SORCS1: variants seen among roughly 807,000 people sequenced by gnomAD.
The protein encoded by SORCS1 is VPS10 domain-containing receptor SorCS1.
In SORCS1, 60 loss-of-function variants were observed where a neutral mutation model predicts 146.1. That is an observed-to-expected ratio of 0.41 (90% CI 0.33 to 0.51). The LOEUF is 0.51. Ranked by LOEUF, SORCS1 falls within the 20% of genes least tolerant of loss-of-function variation. SORCS1 has a pLI of 0.21. For missense variants in SORCS1, 1,352 were observed against 1,487.6 expected, an observed-to-expected ratio of 0.91 and a Z score of 1.50; for synonymous variants, 637 against 584.0, an observed-to-expected ratio of 1.09 and a Z score of -1.31.
intron 2 of SORCS1, among the ~76,000 whole-genome samples, chr10:106,852,892 C>T (rs937631446): frequency 6.6e-6 from 1 of 152,096 alleles, no homozygotes; most frequent in African/African-American, 2.4e-5. Context: ...AGGGGTTTTG[C>T]ATCTTTGTTC....
chr10:106,876,040 ATT>A (rs1474403966), intron 2 of SORCS1, among the ~76,000 whole-genome samples: 1 of 151,932 alleles, frequency 6.6e-6, no homozygotes, highest in African/African-American at 2.4e-5. Flanking sequence ...AATAATTTCT[ATT>A]TATTATTTAT....
intron 2 of SORCS1, among the ~76,000 whole-genome samples, chr10:106,844,253 A>G (rs918677549): frequency 3.9e-5 from 6 of 151,952 alleles, no homozygotes; most frequent in Admixed American, 2.6e-4. Flanking sequence ...TTTGCTATTT[A>G]CTTGTATAAG....
intron 1 of SORCS1, among the ~76,000 whole-genome samples, chr10:106,972,864 GT>G (rs1391587026): frequency 6.6e-6 from 1 of 152,192 alleles, no homozygotes; most frequent in Non-Finnish European, 1.5e-5. Flanking sequence ...ATGGGGAGAT[GT>G]TTTTTGTTGC....
chr10:106,758,678 T>C (rs1471249668), intron 5 of SORCS1, among the ~76,000 whole-genome samples: 2 of 152,202 alleles, frequency 1.3e-5, no homozygotes, highest in African/African-American at 2.4e-5. Context: ...ACTAACTTTA[T>C]ACTTTACATG....
chr10:107,105,193 G>C (rs1965222934), intron 1 of SORCS1, among the ~76,000 whole-genome samples: 2 of 152,190 alleles, frequency 1.3e-5, no homozygotes, highest in Admixed American at 1.3e-4. Flanking sequence ...GGCGAACACA[G>C]ATGTGGCTCC....
At chr10:106,713,024 G>A (rs1238070754) in intron 6 of SORCS1, among the ~76,000 whole-genome samples, 1 of 152,172 alleles carries the variant, frequency 6.6e-6, no homozygotes, top group East Asian at 1.9e-4. Context: ...AGTGAGGAGA[G>A]AGCTTTTAAG....
At chr10:106,969,615 A>T (rs915589437) in intron 1 of SORCS1, among the ~76,000 whole-genome samples, 1 of 152,222 alleles carries the variant, frequency 6.6e-6, no homozygotes, top group Non-Finnish European at 1.5e-5. Flanking sequence ...AGAAAACGAG[A>T]TCTAAAACTT....
At chr10:106,635,516 C>T (rs569843700) in intron 18 of SORCS1, among the ~76,000 whole-genome samples, 3 of 151,736 alleles carry the variant, frequency 2.0e-5, no homozygotes, top group Non-Finnish European at 2.9e-5. Context: ...TATTGATTAC[C>T]CTGGGAGTGG....
intron 1 of SORCS1, among the ~76,000 whole-genome samples, chr10:107,027,168 T>C (rs1958445047): frequency 6.6e-6 from 1 of 151,430 alleles, no homozygotes; most frequent in South Asian, 2.1e-4. Context: ...GAAAGCCTGG[T>C]TATGTGATTC....
In SORCS1 at chr10:106,709,356, C is replaced by A. The variant is rs1465776507; in HGVS notation, c.1025-15G>T. ...ATAATGTGAATCTGAAAAACAAAAA[C>A]AAAAACAAAAACATGGGGTTGAGGG... On this transcript the variant is annotated splice_polypyrimidine_tract_variant and intron_variant, in intron 6 of 25. Coordinates refer to ENST00000263054, the MANE Select transcript of SORCS1 (RefSeq NM_052918.5). 6.5e-7 allele frequency: 1 copy of A among 1,538,828 alleles called. No individual in the cohort carries two copies. The highest frequency in any genetic ancestry group is 1.1e-5 in the South Asian group (1 of 89,052).
chr10:106,583,749 T>C (rs1388529012), intron 24 of SORCS1, among the ~76,000 whole-genome samples: 1 of 151,988 alleles, frequency 6.6e-6, no homozygotes, highest in Non-Finnish European at 1.5e-5. Flanking sequence ...CCTTGAGTGA[T>C]CCACCCGCCT....
intron 5 of SORCS1, among the ~76,000 whole-genome samples, chr10:106,758,343 C>T (rs1393772082): frequency 6.6e-6 from 1 of 152,162 alleles, no homozygotes; most frequent in Non-Finnish European, 1.5e-5. Context: ...CATCTCAGTT[C>T]CTTTCTCTTG....
At chr10:106,759,497 C>T (rs776269515) in intron 5 of SORCS1, among the ~76,000 whole-genome samples, 1 of 152,150 alleles carries the variant, frequency 6.6e-6, no homozygotes, top group Non-Finnish European at 1.5e-5. Flanking sequence ...GTAGGATGTA[C>T]ATTCAAAGGT....
intron 3 of SORCS1, among the ~76,000 whole-genome samples, chr10:106,796,296 A>C (rs1163826208): frequency 6.6e-6 from 1 of 152,238 alleles, no homozygotes; most frequent in Non-Finnish European, 1.5e-5. Flanking sequence ...AGGACACAGC[A>C]GACATTAAGT....
At chr10:107,051,825 G>A (rs576197920) in intron 1 of SORCS1, among the ~76,000 whole-genome samples, 1 of 152,238 alleles carries the variant, frequency 6.6e-6, no homozygotes, top group Non-Finnish European at 1.5e-5. Flanking sequence ...GAAAGGGCTG[G>A]TACTTGAACC....
At chr10:106,915,812 G>C (rs1952393302) in intron 2 of SORCS1, among the ~76,000 whole-genome samples, 1 of 152,088 alleles carries the variant, frequency 6.6e-6, no homozygotes. Context: ...AGAGTGTTTT[G>C]GGACACCTGG....
chr10:107,046,929 TAA>T (rs1180106897), intron 1 of SORCS1, among the ~76,000 whole-genome samples: 2 of 152,220 alleles, frequency 1.3e-5, no homozygotes, highest in Non-Finnish European at 2.9e-5. Flanking sequence ...TTGGATTTCA[TAA>T]AGTTTCCAGG....
rs1857661100 is a variant in SORCS1, at chr10:106,745,449, AAAC to A, written c.960-15338_960-15336del. 4.6e-5 allele frequency among the ~76,000 whole-genome samples: 7 copies of A among 152,198 alleles called. No individual in the cohort carries two copies. In the South Asian group the frequency reaches 1.5e-3, roughly 32 times the overall value. On this transcript the variant is annotated intron_variant, in intron 5 of 25. Transcript: ENST00000263054. The stretch of plus-strand genomic sequence containing the variant: ...AAAAGAAAAAGAAAAAGAAAAAAAG[AAAC>A]AACAAAACACAATCTAGAATTGAGC...
intron 2 of SORCS1, among the ~76,000 whole-genome samples, chr10:106,860,103 T>C (rs1017161445): frequency 1.3e-5 from 2 of 152,242 alleles, no homozygotes; most frequent in Non-Finnish European, 2.9e-5. Context: ...GGAATAATTA[T>C]GAGACATAAA....
Sources: gnomAD v4.1 joint callset for allele counts (sites outside exome capture counted in the v4.1 genomes callset) on GRCh38, gnomAD v4.1.1 for gene constraint, MANE v1.5 for transcripts, NCBI Gene and HGNC (gene_info 2026-07-23, HGNC 2026-07-21) for gene names.